Variants in PITPNB observed in about 807,000 individuals in gnomAD.
PITPNB encodes the protein phosphatidylinositol transfer protein beta isoform.
PITPNB carries 16 observed loss-of-function variants against 45.9 expected under a neutral mutation model. The observed-to-expected ratio is 0.35, with a 90% confidence interval of 0.24 to 0.53. The LOEUF is 0.53. Among genes scored for constraint, PITPNB ranks in the 20% least tolerant of loss-of-function variants. The pLI is 0.93. For synonymous variants in PITPNB, 112 were observed against 108.9 expected, an observed-to-expected ratio of 1.03 and a Z score of -0.18; for missense variants, 188 against 330.5, an observed-to-expected ratio of 0.57 and a Z score of 3.34.
intron 3 of PITPNB, among the ~76,000 whole-genome samples, chr22:27,910,186 G>A (rs1412396900): frequency 1.3e-5 from 2 of 151,968 alleles, no homozygotes; most frequent in Admixed American, 1.3e-4. Flanking sequence ...TCTTGACCTC[G>A]TAATCTGCCC....
Position 27,853,544 on chromosome 22 carries a change from T to C in PITPNB, c.*158A>G. The C allele has an allele frequency of 8.4e-7, 1 of 1,194,544 alleles. No homozygotes were observed. The highest frequency in any genetic ancestry group is 1.2e-6 in the Non-Finnish European group (1 of 821,830). 74.0% of individuals were successfully genotyped at this position (1,194,544 alleles called of 1,614,324 possible). The stretch of plus-strand genomic sequence containing the variant: ...ACACACGTGGTTGAGAACCTGTGCA[T>C]GTGTGTGTATCATCACAAGCACACA... On this transcript the variant is annotated 3_prime_UTR_variant, in exon 12 of 12. Coordinates refer to ENST00000335272, the MANE Select transcript of PITPNB (RefSeq NM_012399.5).
intron 7 of PITPNB, among the ~76,000 whole-genome samples, chr22:27,890,138 A>G (rs986924400): frequency 5.9e-5 from 9 of 152,088 alleles, no homozygotes; most frequent in African/African-American, 2.2e-4. Flanking sequence ...TCCCTGCACC[A>G]CTAGATTTCA....
At chr22:27,871,816 A>G (rs912019171) in intron 8 of PITPNB, among the ~76,000 whole-genome samples, 36 of 152,192 alleles carry the variant, frequency 2.4e-4, no homozygotes, top group African/African-American at 7.7e-4. Flanking sequence ...TAAAGCCTCT[A>G]ACAGGTGTTT....
At chr22:27,899,467 C>T (rs767300332) in intron 3 of PITPNB, among the ~76,000 whole-genome samples, 72 of 151,948 alleles carry the variant, frequency 4.7e-4, no homozygotes, top group Non-Finnish European at 7.7e-4. Context: ...GGGGTACAGG[C>T]GCCCGCCACT....
At position 27,853,561 on chromosome 22, in the gene PITPNB, A is replaced by C; in HGVS notation, c.*141T>G. ...CCTGTGCATGTGTGTGTATCATCAC[A>C]AGCACACATCTGGGAAACGTCAACA... On this transcript the variant is annotated 3_prime_UTR_variant, in exon 12 of 12. Transcript: ENST00000335272. The C allele has an allele frequency of 7.1e-7, 1 of 1,400,676 alleles. No homozygotes were observed. Among genetic ancestry groups the C allele is most frequent in the Non-Finnish European group, 9.9e-7 (1 of 1,009,932 alleles). 86.8% of individuals were successfully genotyped at this position (1,400,676 alleles called of 1,614,324 possible). A position where few individuals can be genotyped will look rare whatever the true frequency, so the allele number is the denominator to read the frequency against.
intron 3 of PITPNB, among the ~76,000 whole-genome samples, chr22:27,898,321 G>C (rs1195718541): frequency 6.6e-6 from 1 of 151,824 alleles, no homozygotes; most frequent in Non-Finnish European, 1.5e-5. Flanking sequence ...GTTGCAGCAA[G>C]CTGAGATCAC....
intron 1 of PITPNB, among the ~76,000 whole-genome samples, chr22:27,918,701 G>C (rs1231197722): frequency 1.3e-5 from 2 of 152,110 alleles, no homozygotes; most frequent in East Asian, 3.9e-4. Flanking sequence ...GTCCTGACAC[G>C]AGGGCTGCCT....
In PITPNB at chr22:27,853,380, A is replaced by G. The variant is rs1340294093; in HGVS notation, c.*322T>C. On this transcript the variant is annotated 3_prime_UTR_variant, in exon 12 of 12. Transcript: ENST00000335272. ...TTTCTTTTGCATTCTTGCTGAAGAT[A>G]GGTACAGTACTTTGGAGAAATTGTA... 4.7e-6 allele frequency: 2 copies of G among 424,880 alleles called. No homozygotes were observed. Among genetic ancestry groups the G allele is most frequent in the South Asian group, 1.6e-4 (2 of 12,220 alleles). The allele number at this position is 424,880 out of a possible 1,614,324, so 26.3% of individuals were successfully genotyped here.
At chr22:27,899,965 G>A (rs1336979951) in intron 3 of PITPNB, among the ~76,000 whole-genome samples, 1 of 152,084 alleles carries the variant, frequency 6.6e-6, no homozygotes, top group Non-Finnish European at 1.5e-5. Flanking sequence ...CACTTTGGGA[G>A]GCAGAGGTGG....
chr22:27,906,646 A>T (rs1333663039), intron 3 of PITPNB, among the ~76,000 whole-genome samples: 1 of 152,210 alleles, frequency 6.6e-6, no homozygotes, highest in African/African-American at 2.4e-5. Flanking sequence ...AGGAATGAAT[A>T]AACTCCCACC....
chr22:27,903,832 A>G (rs1011998211), intron 3 of PITPNB, among the ~76,000 whole-genome samples: 6 of 152,022 alleles, frequency 3.9e-5, no homozygotes, highest in South Asian at 2.1e-4. Flanking sequence ...ATTTGAACAG[A>G]TATTTCTTCA....
chr22:27,904,370 T>C (rs1227406077), intron 3 of PITPNB, among the ~76,000 whole-genome samples: 3 of 152,258 alleles, frequency 2.0e-5, no homozygotes, highest in East Asian at 3.9e-4. Flanking sequence ...AAGAAGTCAA[T>C]CACGGAAGGC....
chr22:27,908,595 G>C (rs1935829981), intron 3 of PITPNB, among the ~76,000 whole-genome samples: 1 of 152,010 alleles, frequency 6.6e-6, no homozygotes, highest in Admixed American at 6.5e-5. Context: ...GAAGAGTCCA[G>C]TGTCTTTAAG....
chr22:27,905,673 C>CAAGGT (rs1399216640), intron 3 of PITPNB, among the ~76,000 whole-genome samples: 1 of 152,150 alleles, frequency 6.6e-6, no homozygotes, highest in Non-Finnish European at 1.5e-5. Context: ...CTTTGGGAAA[C>CAAGGT]AAGGTGGTTC....
At position 27,868,698 on chromosome 22, in the gene PITPNB, T is replaced by G. The variant is rs911269265; in HGVS notation, c.534+5040A>C. Among the ~76,000 whole-genome samples, 8 of 152,238 alleles carry G rather than the reference T, an allele frequency of 5.3e-5. 1 individual carries two copies. The South Asian group carries it at 1.7e-3, about 32-fold the overall frequency. On this transcript the variant is annotated intron_variant, in intron 8 of 11. Coordinates refer to ENST00000335272, the MANE Select transcript of PITPNB (RefSeq NM_012399.5). Reference sequence around the variant, plus strand: ...CATGCCTTTATGATGAGAAAGAACATGTACATAAAGATAATTTAAAAACCA... The same window carrying G: ...CATGCCTTTATGATGAGAAAGAACAGGTACATAAAGATAATTTAAAAACCA...
At chr22:27,887,874 A>G (rs1405618065) in intron 7 of PITPNB, among the ~76,000 whole-genome samples, 2 of 152,028 alleles carry the variant, frequency 1.3e-5, no homozygotes, top group African/African-American at 4.8e-5. Context: ...TAATTAATCA[A>G]ACTAATCAGG....
intron 4 of PITPNB, 22 bp from the exon 5 acceptor site, chr22:27,897,159 G>C (rs377699445): frequency 4.2e-5 from 64 of 1,541,478 alleles, no homozygotes; most frequent in Admixed American, 6.7e-5. Flanking sequence ...TGGAGAGGTA[G>C]GTAATGAAAG....
At chr22:27,884,646 A>G (rs1260328170) in intron 7 of PITPNB, among the ~76,000 whole-genome samples, 3 of 152,332 alleles carry the variant, frequency 2.0e-5, no homozygotes, top group African/African-American at 7.2e-5. Flanking sequence ...CATTTAGGAA[A>G]AATTTCACCA....
chr22:27,863,004 G>T (rs1934383902), intron 8 of PITPNB, among the ~76,000 whole-genome samples: 1 of 152,186 alleles, frequency 6.6e-6, no homozygotes. Context: ...TTATTGAAAT[G>T]ACAACAAAGT....
Sources: allele counts gnomAD v4.1 joint callset (sites outside exome capture counted in the v4.1 genomes callset), GRCh38; gene constraint gnomAD v4.1.1; transcripts MANE v1.5; gene names NCBI Gene and HGNC (gene_info 2026-07-23, HGNC 2026-07-21).